HTR2C: variants seen among roughly 807,000 people sequenced by gnomAD.
HTR2C encodes the protein 5-hydroxytryptamine receptor 2C, also known as 5-hydroxytryptamine (serotonin) receptor 2C, G protein-coupled.
A neutral mutation model predicts 21.0 loss-of-function variants in HTR2C; 5 were observed. The observed-to-expected ratio is 0.24, with a 90% CI of 0.12 to 0.50. HTR2C has a LOEUF of 0.50. Among genes scored for constraint, HTR2C ranks in the 20% least tolerant of loss-of-function variants. The pLI, the probability that HTR2C is intolerant of heterozygous loss-of-function variation, is 0.98. For missense variants in HTR2C, 271 were observed against 371.2 expected (o/e 0.73, Z 2.22); for synonymous variants, 150 against 145.3 (o/e 1.03, Z -0.23).
At chrX:114,773,767 C>G (rs1328151376) in intron 4 of HTR2C, among the ~76,000 whole-genome samples, 1 of 112,024 alleles carries the variant, frequency 8.9e-6, no homozygotes, top group Non-Finnish European at 1.9e-5. Flanking sequence ...TTAAATAAAC[C>G]ACATAATTTC....
At chrX:114,683,566 C>T (rs782705133) in intron 2 of HTR2C, among the ~76,000 whole-genome samples, 52 of 110,913 alleles carry the variant, frequency 4.7e-4, no homozygotes, top group Non-Finnish European at 8.3e-4. Flanking sequence ...GGGCGGATCA[C>T]TTGAGCTTAG....
At chrX:114,721,888 G>T (rs1213847319) in intron 2 of HTR2C, among the ~76,000 whole-genome samples, 2 of 105,904 alleles carry the variant, frequency 1.9e-5, no homozygotes, top group African/African-American at 6.9e-5. Context: ...TCTCTGTTTT[G>T]GTACCAGTAC....
At chrX:114,862,802 A>G (rs782088637) in intron 5 of HTR2C, among the ~76,000 whole-genome samples, 2 of 110,928 alleles carry the variant, frequency 1.8e-5, no homozygotes, top group African/African-American at 6.5e-5. Flanking sequence ...AAAATATACA[A>G]TAGGTTATTG....
chrX:114,635,886 GT>G (rs1456642514), intron 2 of HTR2C, among the ~76,000 whole-genome samples: 2 of 111,116 alleles, frequency 1.8e-5, no homozygotes, highest in African/African-American at 6.5e-5. Context: ...AGTACCCTTT[GT>G]TTCCTAATTG....
At chrX:114,834,667 A>C (rs1556462849) in intron 4 of HTR2C, among the ~76,000 whole-genome samples, 7 of 103,788 alleles carry the variant, frequency 6.7e-5, no homozygotes, top group Non-Finnish European at 1.4e-4. Context: ...CCAATTTGCC[A>C]GTCTGTGTCT....
chrX:114,592,013 A>G (rs1437808721), intron 1 of HTR2C, among the ~76,000 whole-genome samples: 1 of 112,034 alleles, frequency 8.9e-6, no homozygotes, highest in Non-Finnish European at 1.9e-5. Context: ...CTCCAAAATG[A>G]GAGCCTTATA....
Position 114,608,402 on chromosome X carries a change from A to G in HTR2C, c.-146-5413A>G, listed in dbSNP as rs1208986537. 2.7e-5 allele frequency among the ~76,000 whole-genome samples: 3 copies of G among 110,764 alleles called. No individual in the cohort carries two copies. The East Asian group carries it at 8.5e-4, about 31-fold the overall frequency. ...CAAAGTAATCCTATACCCATTTACAATCACTCCACATACTTCTTCAACCCC... is the reference window on the plus strand; with the variant it reads ...CAAAGTAATCCTATACCCATTTACAGTCACTCCACATACTTCTTCAACCCC... On this transcript the variant is annotated intron_variant, in intron 1 of 5. Transcript: ENST00000276198.
At chrX:114,806,422 T>C (rs1280404541) in intron 4 of HTR2C, among the ~76,000 whole-genome samples, 23 of 39,760 alleles carry the variant, frequency 5.8e-4, no homozygotes, top group Admixed American at 1.8e-3. Flanking sequence ...ATATATATAC[T>C]GTATATATAT....
At chrX:114,715,114 T>A (rs1265915783) in intron 2 of HTR2C, 1 of 208,917 alleles carries the variant, frequency 4.8e-6, no homozygotes, top group Non-Finnish European at 9.9e-6. Flanking sequence ...AGTCACTTCT[T>A]TTTTCCAGAT....
chrX:114,883,692 C>T (rs1556480439), intron 5 of HTR2C, among the ~76,000 whole-genome samples: 1 of 109,798 alleles, frequency 9.1e-6, no homozygotes, highest in Non-Finnish European at 1.9e-5. Flanking sequence ...TAATTATGTA[C>T]ATCATGTTTT....
intron 5 of HTR2C, among the ~76,000 whole-genome samples, chrX:114,869,247 G>A (rs1556475621): frequency 1.8e-5 from 2 of 111,376 alleles, no homozygotes; most frequent in African/African-American, 6.5e-5. Flanking sequence ...ATCATTGATG[G>A]ACATTTGGGT....
chrX:114,779,166 G>C (rs1345699187), intron 4 of HTR2C, among the ~76,000 whole-genome samples: 1 of 111,319 alleles, frequency 9.0e-6, no homozygotes, highest in Non-Finnish European at 1.9e-5. Context: ...TATCAGGACA[G>C]TGGAAGCGCA....
chrX:114,601,479 A>G (rs1338811161), intron 1 of HTR2C, among the ~76,000 whole-genome samples: 1 of 106,879 alleles, frequency 9.4e-6, no homozygotes, highest in Admixed American at 1.0e-4. Flanking sequence ...GGGGGTCGCA[A>G]GGTGCTCAGT....
At chrX:114,694,062 AC>A (rs1260996896) in intron 2 of HTR2C, among the ~76,000 whole-genome samples, 2 of 111,491 alleles carry the variant, frequency 1.8e-5, no homozygotes, top group African/African-American at 6.5e-5. Context: ...GTTTTTCCTG[AC>A]AGTTTTAAGG....
At chrX:114,841,022 T>C (rs782279135) in intron 4 of HTR2C, among the ~76,000 whole-genome samples, 1 of 112,052 alleles carries the variant, frequency 8.9e-6, no homozygotes, top group Non-Finnish European at 1.9e-5. Flanking sequence ...TATCTTGACA[T>C]ATCCTTCAGC....
chrX:114,757,404 T>A (rs782269286), intron 4 of HTR2C, among the ~76,000 whole-genome samples: 125 of 111,942 alleles, frequency 1.1e-3, no homozygotes, highest in African/African-American at 3.6e-3. Flanking sequence ...CACAACTTCA[T>A]AATCTTCAAA....
intron 4 of HTR2C, among the ~76,000 whole-genome samples, chrX:114,787,962 AAAAG>A (rs2070194414): frequency 9.1e-6 from 1 of 110,193 alleles, no homozygotes; most frequent in Admixed American, 9.6e-5. Context: ...AAAAAAAAAA[AAAAG>A]AAATCCTAAA....
chrX:114,693,358 G>T (rs1336259020), intron 2 of HTR2C, among the ~76,000 whole-genome samples: 1 of 111,401 alleles, frequency 9.0e-6, no homozygotes, highest in Admixed American at 9.6e-5. Flanking sequence ...GCTCTGTGTA[G>T]AACATCCCAG....
At chrX:114,616,835 A>G (rs1556400384) in intron 2 of HTR2C, among the ~76,000 whole-genome samples, 1 of 112,191 alleles carries the variant, frequency 8.9e-6, no homozygotes, top group Non-Finnish European at 1.9e-5. Flanking sequence ...GTAAGTATCA[A>G]AGGTAAACAT....
Sources: allele counts gnomAD v4.1 joint callset (sites outside exome capture counted in the v4.1 genomes callset), GRCh38; gene constraint gnomAD v4.1.1; transcripts MANE v1.5; gene names NCBI Gene and HGNC (gene_info 2026-07-23, HGNC 2026-07-21).